The following SAMD3 variants were observed in gnomAD, a reference collection of about 807,000 sequenced individuals.
SAMD3 encodes sterile alpha motif domain containing 3.
Under a neutral mutation model 58.5 loss-of-function variants are expected in SAMD3, and 63 were observed. The ratio of observed to expected loss-of-function variants is 1.08; its 90% confidence interval spans 0.88 to 1.33. The LOEUF (loss-of-function observed/expected upper bound fraction) is 1.33. Among genes scored for constraint, SAMD3 ranks in the 40% most tolerant of loss-of-function variants. The pLI is 0.00. For missense variants in SAMD3, 604 were observed against 608.4 expected, an observed-to-expected ratio of 0.99 and a Z score of 0.08; for synonymous variants, 220 against 210.3, an observed-to-expected ratio of 1.05 and a Z score of -0.40.
At chr6:130,297,168 A>G (rs1775598303) in intron 2 of SAMD3, among the ~76,000 whole-genome samples, 1 of 152,210 alleles carries the variant, frequency 6.6e-6, no homozygotes, top group Non-Finnish European at 1.5e-5. Context: ...CAGAACTCTC[A>G]GTCAGTCCTG....
At chr6:130,195,772 C>T (rs779036517) in intron 5 of SAMD3, among the ~76,000 whole-genome samples, 1 of 152,110 alleles carries the variant, frequency 6.6e-6, no homozygotes, top group Non-Finnish European at 1.5e-5. Flanking sequence ...CCTGTCTCAG[C>T]GTAATTCTTA....
At chr6:130,177,369 T>C (rs570191581) in intron 7 of SAMD3, among the ~76,000 whole-genome samples, 10 of 152,310 alleles carry the variant, frequency 6.6e-5, no homozygotes, top group Non-Finnish European at 1.5e-4. Flanking sequence ...TGGAAGGATC[T>C]GTCTGGCATG....
intron 8 of SAMD3, among the ~76,000 whole-genome samples, chr6:130,164,525 G>T (rs904807039): frequency 1.3e-5 from 2 of 152,124 alleles, no homozygotes; most frequent in Non-Finnish European, 2.9e-5. Flanking sequence ...AGGCACAGGA[G>T]AATCACAGAG....
chr6:130,230,895 C>T (rs899819560), intron 2 of SAMD3, among the ~76,000 whole-genome samples: 4 of 152,168 alleles, frequency 2.6e-5, no homozygotes, highest in Admixed American at 2.6e-4. Context: ...GTATTGAATA[C>T]TTACACCTGA....
At chr6:130,306,561 A>C (rs1348736647) in intron 2 of SAMD3, among the ~76,000 whole-genome samples, 1 of 152,152 alleles carries the variant, frequency 6.6e-6, no homozygotes, top group Non-Finnish European at 1.5e-5. Flanking sequence ...ACCGACAGAA[A>C]TTAGAAACAA....
exon 1 of SAMD3, chr6:130,365,308 A>G: frequency 7.1e-6 from 7 of 985,426 alleles, no homozygotes; most frequent in Non-Finnish European, 7.2e-6. Context: ...CCCGTGCTTC[A>G]GTTCCCTCTG....
intron 2 of SAMD3, among the ~76,000 whole-genome samples, chr6:130,262,629 T>C (rs1774182007): frequency 1.3e-5 from 2 of 151,942 alleles, no homozygotes; most frequent in South Asian, 4.2e-4. Flanking sequence ...AGAAATGTTG[T>C]ATAATTTAAA....
chr6:130,321,347 C>T lies in SAMD3; in HGVS notation c.-303-8254G>A, dbSNP rs574141010. Among the ~76,000 whole-genome samples the T allele has an allele frequency of 1.2e-3, 182 of 152,258 alleles. 1 individual carries two copies. The highest frequency in any genetic ancestry group is 2.5e-4 in the Non-Finnish European group (17 of 68,024). On this transcript the variant is annotated intron_variant, in intron 1 of 13. Transcript: ENST00000368134. The stretch of plus-strand genomic sequence containing the variant: ...GAGTGAGCTTGGAAGCAGATACTCT[C>T]CCAGTTAAGCTTGGAAATGATTGCA...
At chr6:130,354,661 G>C (rs143969526) in intron 1 of SAMD3, among the ~76,000 whole-genome samples, 1,704 of 152,196 alleles carry the variant, frequency 0.011, 10 homozygotes, top group Non-Finnish European at 0.017. Context: ...TGAGGGTGAA[G>C]GGTGGGGAAG....
intron 5 of SAMD3, among the ~76,000 whole-genome samples, chr6:130,206,129 C>T (rs1409664395): frequency 1.3e-5 from 2 of 152,200 alleles, no homozygotes; most frequent in Non-Finnish European, 2.9e-5. Context: ...AGATACTTCA[C>T]CCTGTCTTTA....
chr6:130,299,433 C>T (rs1031679903), intron 2 of SAMD3, among the ~76,000 whole-genome samples: 2 of 151,974 alleles, frequency 1.3e-5, no homozygotes. Context: ...AATGGAGACA[C>T]AACACACCAA....
At chr6:130,332,159 C>T (rs950109485) in intron 1 of SAMD3, among the ~76,000 whole-genome samples, 1 of 151,984 alleles carries the variant, frequency 6.6e-6, no homozygotes. Flanking sequence ...GTTGCCAGGG[C>T]TTGAGGATTT....
At chr6:130,332,865 G>A (rs565864830) in intron 1 of SAMD3, among the ~76,000 whole-genome samples, 1 of 152,112 alleles carries the variant, frequency 6.6e-6, no homozygotes, top group Non-Finnish European at 1.5e-5. Flanking sequence ...ACATCTTTAT[G>A]TACTGGAGGA....
intron 2 of SAMD3, among the ~76,000 whole-genome samples, chr6:130,285,284 C>T (rs1775117977): frequency 2.0e-5 from 3 of 152,202 alleles, no homozygotes; most frequent in Admixed American, 2.0e-4. Flanking sequence ...CATGAGTATT[C>T]ACAGTCATCA....
intron 11 of SAMD3, among the ~76,000 whole-genome samples, 155 bp downstream of exon 11, chr6:130,145,185 G>A (rs758909642): frequency 6.6e-6 from 1 of 152,228 alleles, no homozygotes; most frequent in Non-Finnish European, 1.5e-5. Context: ...CTTGAACCAG[G>A]AGGTGGAGGC....
intron 1 of SAMD3, among the ~76,000 whole-genome samples, chr6:130,348,672 G>C (rs942740915): frequency 1.3e-5 from 2 of 152,148 alleles, no homozygotes; most frequent in African/African-American, 4.8e-5. Context: ...AAATCAACGA[G>C]ACAGAAAGTT....
intron 6 of SAMD3, 123 bp downstream of exon 6, chr6:130,184,315 G>T: frequency 8.7e-7 from 1 of 1,146,080 alleles, no homozygotes; most frequent in Non-Finnish European, 1.2e-6. Flanking sequence ...TAAATATTGG[G>T]CAATTGGGAC....
chr6:130,311,188 C>A (rs994743123), intron 2 of SAMD3, among the ~76,000 whole-genome samples: 5 of 152,116 alleles, frequency 3.3e-5, no homozygotes, highest in African/African-American at 9.7e-5. Context: ...TATAATTGAG[C>A]CTTTTCTATT....
At chr6:130,307,123 CA>C (rs1195554998) in intron 2 of SAMD3, among the ~76,000 whole-genome samples, 1 of 152,168 alleles carries the variant, frequency 6.6e-6, no homozygotes, top group Non-Finnish European at 1.5e-5. Flanking sequence ...TGTGAATTCA[CA>C]AAGATCAAAC....
Sources: allele counts gnomAD v4.1 joint callset (sites outside exome capture counted in the v4.1 genomes callset), GRCh38; gene constraint gnomAD v4.1.1; transcripts MANE v1.5; gene names NCBI Gene and HGNC (gene_info 2026-07-23, HGNC 2026-07-21).